CDH18: variants seen among roughly 807,000 people sequenced by gnomAD.
CDH18 encodes the protein cadherin-18.
CDH18 carries 31 observed loss-of-function variants against 67.9 expected under a neutral mutation model. The observed-to-expected ratio is 0.46, with a 90% CI of 0.34 to 0.62. CDH18 has a LOEUF of 0.62. Ranked by LOEUF, CDH18 falls within the 20% of genes least tolerant of loss-of-function variation. CDH18 has a pLI of 0.01. For missense variants in CDH18, 890 were observed against 975.5 expected (o/e 0.91, Z 1.17); for synonymous variants, 362 against 347.2 (o/e 1.04, Z -0.48).
intron 1 of CDH18, among the ~76,000 whole-genome samples, chr5:20,313,887 T>C (rs1321310302): frequency 6.6e-6 from 1 of 152,084 alleles, no homozygotes; most frequent in Non-Finnish European, 1.5e-5. Flanking sequence ...GGTAATCTTA[T>C]GTACTCAAAG....
Position 20,569,393 on chromosome 5 carries a change from C to T in CDH18, c.-580+6069G>A, listed in dbSNP as rs1338272883. Among the ~76,000 whole-genome samples, 7 of 152,224 alleles carry T rather than the reference C, an allele frequency of 4.6e-5. No homozygotes were observed. In the East Asian group the frequency reaches 9.7e-4, roughly 21 times the overall value. ...ATCCCAGCACTTTGGAAGGCCACGG[C>T]GGGCGGATCATGAGGTCAAGAGTTC... On this transcript the variant is annotated intron_variant, in intron 1 of 14. Coordinates refer to the CDH18 transcript ENST00000507958.
intron 2 of CDH18, among the ~76,000 whole-genome samples, chr5:20,122,999 T>A (rs2126426676): frequency 6.7e-6 from 1 of 148,240 alleles, no homozygotes; most frequent in African/African-American, 2.4e-5. Flanking sequence ...CCTCTAAATT[T>A]AAAAATACCT....
chr5:20,321,532 T>A (rs1738021786), intron 1 of CDH18, among the ~76,000 whole-genome samples: 1 of 152,120 alleles, frequency 6.6e-6, no homozygotes, highest in Non-Finnish European at 1.5e-5. Flanking sequence ...TTACTTTTTT[T>A]AAAAGCTTTA....
At chr5:20,260,082 A>G (rs1214006883) in intron 1 of CDH18, among the ~76,000 whole-genome samples, 1 of 151,904 alleles carries the variant, frequency 6.6e-6, no homozygotes, top group East Asian at 2.0e-4. Flanking sequence ...AATTAAAGGT[A>G]TGCCTTACAG....
At chr5:20,311,731 C>T (rs1005255985) in intron 1 of CDH18, among the ~76,000 whole-genome samples, 1 of 152,022 alleles carries the variant, frequency 6.6e-6, no homozygotes, top group Non-Finnish European at 1.5e-5. Flanking sequence ...CATCATGACA[C>T]GTGTATACCT....
chr5:20,484,609 A>C (rs1306815879), intron 1 of CDH18, among the ~76,000 whole-genome samples: 2 of 152,134 alleles, frequency 1.3e-5, no homozygotes, highest in African/African-American at 2.4e-5. Context: ...ATAACAAAGA[A>C]TGATGACCTG....
intron 5 of CDH18, among the ~76,000 whole-genome samples, chr5:19,711,650 T>TAAA (rs3062941): frequency 3.4e-4 from 39 of 115,552 alleles, no homozygotes; most frequent in African/African-American, 5.4e-4. Flanking sequence ...TAGTATAAAG[T>TAAA]AAAAAAAAAA....
chr5:20,235,720 T>C (rs1742427649), intron 2 of CDH18, among the ~76,000 whole-genome samples: 1 of 152,190 alleles, frequency 6.6e-6, no homozygotes, highest in Admixed American at 6.5e-5. Flanking sequence ...AGTTTGGAGA[T>C]ATCTCAAATA....
chr5:20,564,669 G>A (rs1758404421), intron 1 of CDH18, among the ~76,000 whole-genome samples: 1 of 152,046 alleles, frequency 6.6e-6, no homozygotes, highest in Non-Finnish European at 1.5e-5. Flanking sequence ...ATAACATCTT[G>A]CATTTAAAAA....
intron 1 of CDH18, among the ~76,000 whole-genome samples, chr5:20,566,910 G>A (rs1003200273): frequency 8.5e-5 from 13 of 152,242 alleles, no homozygotes; most frequent in African/African-American, 3.1e-4. Context: ...TTGGAAAAGC[G>A]ATTGCATACT....
chr5:19,847,786 A>T (rs978517281), intron 2 of CDH18, among the ~76,000 whole-genome samples: 3 of 49,232 alleles, frequency 6.1e-5, no homozygotes, highest in Non-Finnish European at 2.6e-4. Flanking sequence ...CTCTGTAGAC[A>T]TGTCTTTTGA....
chr5:19,505,395 C>T (rs547071305), intron 10 of CDH18, among the ~76,000 whole-genome samples: 228 of 152,220 alleles, frequency 1.5e-3, no homozygotes, highest in African/African-American at 5.4e-3. Context: ...TGTCTTGTGC[C>T]AGTTTTCAAA....
chr5:20,442,628 G>A (rs999663037), intron 1 of CDH18, among the ~76,000 whole-genome samples: 1 of 151,810 alleles, frequency 6.6e-6, no homozygotes, highest in Non-Finnish European at 1.5e-5. Context: ...TAAAAAGGAG[G>A]AAAGCAAAGC....
Position 20,343,790 on chromosome 5 carries a change from C to A in CDH18, c.-579-88285G>T, listed in dbSNP as rs190022229. The stretch of plus-strand genomic sequence containing the variant: ...GCCACTACTGGAAAGAGAGACACTT[C>A]CTTACATCTAATGGGTCTACCATTA... On this transcript the variant is annotated intron_variant, in intron 1 of 14. Coordinates refer to the CDH18 transcript ENST00000507958. 1.9e-3 allele frequency among the ~76,000 whole-genome samples: 296 copies of A among 152,240 alleles called. 1 individual carries two copies. The highest frequency in any genetic ancestry group is 6.5e-3 in the African/African-American group (272 of 41,564).
At chr5:20,210,282 C>A (rs114676603) in intron 2 of CDH18, among the ~76,000 whole-genome samples, 3,576 of 151,792 alleles carry the variant, frequency 0.024, 144 homozygotes, top group African/African-American at 0.08. Flanking sequence ...CTTCTATATT[C>A]TTTTGACATA....
intron 2 of CDH18, among the ~76,000 whole-genome samples, chr5:19,893,624 A>G (rs1788997165): frequency 7.0e-6 from 1 of 142,850 alleles, no homozygotes; most frequent in Admixed American, 7.3e-5. Flanking sequence ...GCCTCACATT[A>G]CAACAGATTC....
At chr5:20,143,814 T>C (rs1283886894) in intron 2 of CDH18, among the ~76,000 whole-genome samples, 1 of 152,278 alleles carries the variant, frequency 6.6e-6, no homozygotes, top group Non-Finnish European at 1.5e-5. Flanking sequence ...GATTTTGGCT[T>C]ATTCAGATCG....
chr5:19,974,520 CAA>C lies in CDH18; in HGVS notation c.-257+6538_-257+6539del, dbSNP rs70954626. 4.0e-3 allele frequency among the ~76,000 whole-genome samples: 315 copies of C among 78,280 alleles called. 3 individuals carry two copies. Among genetic ancestry groups the C allele is most frequent in the African/African-American group, 0.011 (223 of 20,084 alleles). 51.4% of individuals were successfully genotyped at this position (78,280 alleles called of 152,430 possible). A position where few individuals can be genotyped will look rare whatever the true frequency, so the allele number is the denominator to read the frequency against. ...GGCGACAGAATGAGATCCTGTCTCC[CAA>C]AAAAAAAAAAAAAAAAAAAAAGAGG... is the stretch of plus-strand genomic sequence containing the variant. On this transcript the variant is annotated intron_variant, in intron 2 of 12. Coordinates refer to ENST00000382275, the MANE Select transcript of CDH18 (RefSeq NM_004934.5).
chr5:20,391,677 A>C (rs1744874756), intron 1 of CDH18, among the ~76,000 whole-genome samples: 1 of 152,044 alleles, frequency 6.6e-6, no homozygotes, highest in African/African-American at 2.4e-5. Context: ...CAGACAAACA[A>C]ATTTAAATAC....
Sources: gnomAD v4.1 joint callset for allele counts (sites outside exome capture counted in the v4.1 genomes callset) on GRCh38, gnomAD v4.1.1 for gene constraint, MANE v1.5 for transcripts, NCBI Gene and HGNC (gene_info 2026-07-23, HGNC 2026-07-21) for gene names.